The following YBX3 variants were observed in gnomAD, a reference collection of about 807,000 sequenced individuals.
YBX3 encodes Y-box binding protein 3, also known as Y-box-binding protein 3.
Under a neutral mutation model 42.4 loss-of-function variants are expected in YBX3, and 29 were observed. The ratio of observed to expected loss-of-function variants is 0.68; its 90% CI spans 0.51 to 0.93. YBX3 has a LOEUF of 0.93. Among genes scored for constraint, YBX3 ranks in the 40% least tolerant of loss-of-function variants. The pLI, the probability that YBX3 is intolerant of heterozygous loss-of-function variation, is 0.00. For missense variants in YBX3, 517 were observed against 527.5 expected, an observed-to-expected ratio of 0.98 and a Z score of 0.19; for synonymous variants, 195 against 189.8, an observed-to-expected ratio of 1.03 and a Z score of -0.22.
chr12:10,709,904 T>C lies in YBX3; in HGVS notation c.780+4A>G. On this transcript the variant is annotated splice_donor_region_variant and intron_variant, in intron 6 of 9. Coordinates refer to ENST00000228251, the MANE Select transcript of YBX3 (RefSeq NM_003651.5). ...CTGAAGAGAAGTCTCAGTTGCAATT[T>C]TACCTGTATTCTGTTGGGATGGGGT... 6.2e-7 allele frequency: 1 copy of C among 1,613,772 alleles called. No individual in the cohort carries two copies. The highest frequency in any genetic ancestry group is 8.5e-7 in the Non-Finnish European group (1 of 1,180,036).
At chr12:10,711,046 G>T (rs1302384262) in intron 5 of YBX3, 1 of 152,498 alleles carries the variant, frequency 6.6e-6, no homozygotes, top group African/African-American at 2.4e-5. Flanking sequence ...TATATGTTTA[G>T]GAGTAAAGCT....
chr12:10,721,635 GA>G lies in YBX3; in HGVS notation c.262+1214del, dbSNP rs911679005. 6.8e-5 allele frequency among the ~76,000 whole-genome samples: 10 copies of G among 147,526 alleles called. No individual in the cohort carries two copies. The South Asian group carries it at 1.3e-3, about 19-fold the overall frequency. The stretch of plus-strand genomic sequence containing the variant: ...TGGTAGGGACTTAGTAAAAGCCCTA[GA>G]AAAAAAAAACAAGAAAATAGTCCTC... On this transcript the variant is annotated intron_variant, in intron 1 of 9. Transcript: ENST00000228251.
chr12:10,707,025 A>AATAC (rs1423916153), intron 6 of YBX3, among the ~76,000 whole-genome samples: 2 of 151,744 alleles, frequency 1.3e-5, no homozygotes, highest in East Asian at 3.9e-4. Flanking sequence ...TCAAAAAATA[A>AATAC]ATAAATAAAT....
At chr12:10,703,223 T>C (rs1948100717) in intron 7 of YBX3, 1 of 152,324 alleles carries the variant, frequency 6.6e-6, no homozygotes, top group Non-Finnish European at 1.5e-5. Context: ...CTTTTTATCC[T>C]TCAATAAAGC....
chr12:10,722,188 G>C (rs773615971), intron 1 of YBX3: 1 of 152,306 alleles, frequency 6.6e-6, no homozygotes, highest in African/African-American at 2.4e-5. Context: ...GGCACAGAGA[G>C]GGGGAGGAAG....
At chr12:10,708,825 T>C (rs1285003393) in intron 6 of YBX3, among the ~76,000 whole-genome samples, 1 of 152,252 alleles carries the variant, frequency 6.6e-6, no homozygotes, top group African/African-American at 2.4e-5. Context: ...CATCATGCTT[T>C]CAGCAAACGT....
chr12:10,708,683 G>A lies in YBX3; in HGVS notation c.780+1225C>T, dbSNP rs142841249. Among the ~76,000 whole-genome samples, 1,025 of 152,322 alleles carry A rather than the reference G, an allele frequency of 6.7e-3. 6 individuals are homozygous for A. The highest frequency in any genetic ancestry group is 0.027 in the Middle Eastern group (8 of 294). The stretch of plus-strand genomic sequence containing the variant: ...ATGCAGTTAAGTTACAGGAATAAGC[G>A]TACATGTTCAAAAGCAGCTTTCGAT... On this transcript the variant is annotated intron_variant, in intron 6 of 9. Coordinates refer to ENST00000228251, the MANE Select transcript of YBX3 (RefSeq NM_003651.5).
rs559866649 is a variant in YBX3 at position 10,713,238 on chromosome 12, A to G, written c.546T>C (p.Tyr182=). 2.5e-6 allele frequency: 4 copies of G among 1,613,782 alleles called. No individual in the cohort carries two copies. The highest frequency in any genetic ancestry group is 3.4e-6 in the Non-Finnish European group (4 of 1,179,996). Residue 182 remains tyrosine, a synonymous_variant, in exon 5 of 10, where the codon TAT becomes TAC. Coordinates refer to ENST00000228251, the MANE Select transcript of YBX3 (RefSeq NM_003651.5). The part of the protein sequence containing the change: ...ADRRRYRRGY[Y]GRRRGPPRNY... ...TCCGGGGAGGGCCACGGCGCCTTCC[A>G]TAGTAGCCACGTCTGTAACGGCGCC... is the stretch of plus-strand genomic sequence containing the variant.
At chr12:10,719,630 T>G (rs1180934879) in intron 1 of YBX3, among the ~76,000 whole-genome samples, 1 of 152,236 alleles carries the variant, frequency 6.6e-6, no homozygotes, top group Non-Finnish European at 1.5e-5. Context: ...GTAAAGCAAC[T>G]TGTCCAGTCG....
rs1247543948 is a variant in YBX3 at position 10,715,822 on chromosome 12, C to T, written c.361-39G>A. 3 of 1,530,540 alleles carry T rather than the reference C, an allele frequency of 2.0e-6. No homozygotes were observed. In the Admixed American group the frequency reaches 5.0e-5, roughly 26 times the overall value. 94.8% of individuals were successfully genotyped at this position (1,530,540 alleles called of 1,614,324 possible). On this transcript the variant is annotated intron_variant, in intron 3 of 9. Coordinates refer to ENST00000228251, the MANE Select transcript of YBX3 (RefSeq NM_003651.5). ...AGAAAATTTTATTCGATGTATATTT[C>T]AATATTGGCCACAGATTTCACTGCT...
chr12:10,718,012 C>G (rs868474162), intron 3 of YBX3, 76 bp downstream of exon 3: 1 of 1,323,122 alleles, frequency 7.6e-7, no homozygotes, highest in Admixed American at 2.1e-5. Context: ...ATAGGACTTA[C>G]TTTTGGGAAA....
chr12:10,723,037 C>G lies in YBX3; in HGVS notation c.75G>C (p.Ala25=). Residue 25 remains alanine, a synonymous_variant, in exon 1 of 10, where the codon GCG becomes GCC. Transcript: ENST00000228251. ...TCTTGGGCGCGGGGTCCTGGGGAGC[C>G]GCGGCGGCCGCCTCCGTCGGAGCCT... is the stretch of plus-strand genomic sequence containing the variant. The part of the protein sequence containing the change: ...LPQAPTEAAA[A]APQDPAPKSP... 8.3e-7 allele frequency: 1 copy of G among 1,204,662 alleles called. No homozygotes were observed. The highest frequency in any genetic ancestry group is 1.0e-6 in the Non-Finnish European group (1 of 972,128). The allele number at this position is 1,204,662 out of a possible 1,614,324, so 74.6% of individuals were successfully genotyped here. A position where few individuals can be genotyped will look rare whatever the true frequency, so the allele number is the denominator to read the frequency against.
At chr12:10,716,342 A>G (rs1398942584) in intron 3 of YBX3, among the ~76,000 whole-genome samples, 1 of 152,216 alleles carries the variant, frequency 6.6e-6, no homozygotes, top group East Asian at 1.9e-4. Flanking sequence ...CAACCGTAAC[A>G]GCCCCAGGGA....
intron 5 of YBX3, chr12:10,711,025 A>G (rs1250078597): frequency 6.5e-6 from 1 of 153,566 alleles, no homozygotes; most frequent in Non-Finnish European, 1.4e-5. Flanking sequence ...GACCTAAGGC[A>G]TGACTCCCTT....
intron 6 of YBX3, chr12:10,704,367 G>A (rs544621915): frequency 2.5e-6 from 1 of 405,164 alleles, no homozygotes; most frequent in South Asian, 8.5e-5. Context: ...CATTTGCTTA[G>A]TCCCAGAGCA....
chr12:10,723,178 T>C lies in YBX3; in HGVS notation c.-67A>G. ...GTTGGTCGGCGGTTAGCGCGGCTGG[T>C]GGTCGCGGCGGCCGGGGCTCGCTCT... On this transcript the variant is annotated 5_prime_UTR_variant, in exon 1 of 10. Coordinates refer to ENST00000228251, the MANE Select transcript of YBX3 (RefSeq NM_003651.5). 2 of 1,181,170 alleles carry C rather than the reference T, an allele frequency of 1.7e-6. No individual in the cohort carries two copies. Among genetic ancestry groups the C allele is most frequent in the Non-Finnish European group, 1.0e-6 (1 of 955,758 alleles). The allele number at this position is 1,181,170 out of a possible 1,614,324, so 73.2% of individuals were successfully genotyped here.
chr12:10,713,259 G>A lies in YBX3; in HGVS notation c.525C>T (p.Arg175=), dbSNP rs778303949. The change falls in exon 5 of 10, where the codon CGC becomes CGT. Residue 175 remains arginine, a synonymous_variant. Coordinates refer to ENST00000228251, the MANE Select transcript of YBX3 (RefSeq NM_003651.5). Reference sequence around the variant, plus strand: ...TTCCATAGTAGCCACGTCTGTAACGGCGCCGATCTGCAGCGTAACGACTCC... The same window carrying A: ...TTCCATAGTAGCCACGTCTGTAACGACGCCGATCTGCAGCGTAACGACTCC... ...VEGSRYAADR[R]RYRRGYYGRR... The A allele has an allele frequency of 6.8e-6, 11 of 1,613,900 alleles. No individual in the cohort carries two copies. Among genetic ancestry groups the A allele is most frequent in the Non-Finnish European group, 8.5e-6 (10 of 1,180,036 alleles).
At chr12:10,708,495 G>C (rs1405123551) in intron 6 of YBX3, among the ~76,000 whole-genome samples, 3 of 152,120 alleles carry the variant, frequency 2.0e-5, no homozygotes, top group African/African-American at 7.2e-5. Flanking sequence ...GAGAGCTTTA[G>C]GAATTTTCTT....
intron 3 of YBX3, among the ~76,000 whole-genome samples, chr12:10,717,493 C>G (rs1440380678): frequency 6.6e-6 from 1 of 152,140 alleles, no homozygotes; most frequent in Non-Finnish European, 1.5e-5. Flanking sequence ...AACTGAGGCA[C>G]CTATAGCAGA....
Sources: allele counts gnomAD v4.1 joint callset (sites outside exome capture counted in the v4.1 genomes callset), GRCh38; gene constraint gnomAD v4.1.1; transcripts MANE v1.5; gene names NCBI Gene and HGNC (gene_info 2026-07-23, HGNC 2026-07-21).